WDR1: variants seen among roughly 807,000 people sequenced by gnomAD.
WDR1 encodes WD repeat-containing protein 1.
Under a neutral mutation model 71.9 loss-of-function variants are expected in WDR1, and 21 were observed. The observed-to-expected ratio is 0.29, with a 90% confidence interval of 0.21 to 0.42. WDR1 has a LOEUF of 0.42. Among genes scored for constraint, WDR1 ranks in the 10% least tolerant of loss-of-function variants. The probability of loss-of-function intolerance (pLI) is 1.00; values close to 1 mark genes in which losing one functional copy is unlikely to be tolerated. For missense variants in WDR1, 696 were observed against 824.5 expected, an observed-to-expected ratio of 0.84 and a Z score of 1.91; for synonymous variants, 424 against 347.4, an observed-to-expected ratio of 1.22 and a Z score of -2.45.
chr4:10,103,886 C>T lies in WDR1; in HGVS notation c.229+10G>A. ...CACAGGTGTCCACGAGCCTTGCCCC[C>T]ATACAGTACCTCCGGAGGCAATGTA... On this transcript the variant is annotated intron_variant, in intron 3 of 14. Coordinates refer to ENST00000499869, the MANE Select transcript of WDR1 (RefSeq NM_017491.5). 1 of 1,573,538 alleles carries T rather than the reference C, an allele frequency of 6.4e-7. No individual in the cohort carries two copies. The highest frequency in any genetic ancestry group is 2.4e-5 in the East Asian group (1 of 42,346).
chr4:10,082,403 C>A (rs962362037), intron 10 of WDR1, among the ~76,000 whole-genome samples: 1 of 152,178 alleles, frequency 6.6e-6, no homozygotes, highest in Non-Finnish European at 1.5e-5. Flanking sequence ...GGGGTCAGAC[C>A]TGGGCATGGG....
At position 10,087,944 on chromosome 4, in the gene WDR1, T is replaced by C. The variant is rs1711694300; in HGVS notation, c.718-4A>G. The stretch of plus-strand genomic sequence containing the variant: ...TGCTGTCGGGACTCCAACTAATCTA[T>C]TCAGAAAAAAGCAGTGTGTCATGTG... On this transcript the variant is annotated splice_region_variant and splice_polypyrimidine_tract_variant and intron_variant, in intron 7 of 14. Transcript: ENST00000499869. 1 of 1,548,728 alleles carries C rather than the reference T, an allele frequency of 6.5e-7. No homozygotes were observed. The highest frequency in any genetic ancestry group is 1.4e-5 in the African/African-American group (1 of 72,884).
chr4:10,103,277 CACACACACACAG>C (rs1336967822), intron 3 of WDR1, among the ~76,000 whole-genome samples: 1 of 104,664 alleles, frequency 9.6e-6, no homozygotes, highest in African/African-American at 4.1e-5. Flanking sequence ...TACACACACA[CACACACACACAG>C]ACACACACAC....
chr4:10,082,932 G>T, intron 10 of WDR1, 90 bp downstream of exon 10: 1 of 1,482,096 alleles, frequency 6.7e-7, no homozygotes, highest in South Asian at 1.3e-5. Flanking sequence ...CAAGTGAGGC[G>T]TCCTCCAGAA....
At chr4:10,075,566 CT>C in intron 14 of WDR1, 82 bp from the exon 15 acceptor site, 1 of 1,310,720 alleles carries the variant, frequency 7.6e-7, no homozygotes, top group East Asian at 2.5e-5. Flanking sequence ...ATGGAACAAC[CT>C]GTGCCTAAAT....
Position 10,087,720 on chromosome 4 carries a change from A to C in WDR1, c.938T>G (p.Leu313Arg). 6.3e-7 allele frequency: 1 copy of C among 1,595,082 alleles called. No homozygotes were observed. ...GGCAGGCCTTACCTTGATGACGTGC[A>C]GGGGCTTGCTGGGGTTGTTTCTGTC... is the stretch of plus-strand genomic sequence containing the variant. Reference protein sequence around the residue: ...YLDRNNPSKPLHVIKGHSKSI... With the variant: ...YLDRNNPSKPRHVIKGHSKSI... The change falls in exon 8 of 15, where the codon CTG becomes CGG. Residue 313 changes from leucine (L) to arginine (R), a missense_variant. Physicochemically the swap from Leu to Arg is moderately radical, Grantham distance 102. Coordinates refer to ENST00000499869, the MANE Select transcript of WDR1 (RefSeq NM_017491.5).
intron 5 of WDR1, among the ~76,000 whole-genome samples, 178 bp from the exon 6 acceptor site, chr4:10,088,919 GAGTCTGCTCC>G (rs1037336176): frequency 1.4e-4 from 21 of 152,242 alleles, no homozygotes; most frequent in African/African-American, 4.3e-4. Flanking sequence ...GGAGGGGCAG[GAGTCTGCTCC>G]AGCCTGCCTG....
At chr4:10,116,062 A>T in intron 2 of WDR1, 51 bp downstream of exon 2, 1 of 1,593,408 alleles carries the variant, frequency 6.3e-7, no homozygotes, top group Non-Finnish European at 8.6e-7. Flanking sequence ...GAATTATCCC[A>T]TCCCAAGGTG....
At chr4:10,091,251 C>G (rs1008909260) in intron 5 of WDR1, among the ~76,000 whole-genome samples, 1 of 152,220 alleles carries the variant, frequency 6.6e-6, no homozygotes, top group Non-Finnish European at 1.5e-5. Context: ...TCCTTTTGTA[C>G]CTTTTTCACT....
At chr4:10,082,721 G>T (rs1258553497) in intron 10 of WDR1, among the ~76,000 whole-genome samples, 1 of 152,228 alleles carries the variant, frequency 6.6e-6, no homozygotes, top group East Asian at 1.9e-4. Flanking sequence ...TGAGGAAAGG[G>T]ACACAGGGAG....
chr4:10,116,427 G>A (rs1244034753), intron 1 of WDR1, 193 bp from the exon 2 acceptor site: 17 of 909,488 alleles, frequency 1.9e-5, no homozygotes, highest in Non-Finnish European at 2.3e-5. Flanking sequence ...CTTGGGGGCA[G>A]CGGGGCTCCT....
rs754575017 is a variant in WDR1, at chr4:10,116,103, G to C, written c.138+10C>G. The C allele has an allele frequency of 1.2e-6, 2 of 1,611,654 alleles. No individual in the cohort carries two copies. Among genetic ancestry groups the C allele is most frequent in the East Asian group, 2.2e-5 (1 of 44,574 alleles). On this transcript the variant is annotated intron_variant, in intron 2 of 14. Transcript: ENST00000499869. ...GGAGCAGAACCGCGCCCGGGGTAGG[G>C]GGTACTCACGTCGATGTTCCTTAGG...
intron 10 of WDR1, among the ~76,000 whole-genome samples, chr4:10,082,252 C>T (rs576360985): frequency 2.6e-5 from 4 of 152,192 alleles, no homozygotes; most frequent in Non-Finnish European, 4.4e-5. Context: ...AAGGACGGCA[C>T]ACCTGCTAGG....
chr4:10,104,534 C>A (rs1354850119), intron 2 of WDR1, among the ~76,000 whole-genome samples: 1 of 152,232 alleles, frequency 6.6e-6, no homozygotes, highest in African/African-American at 2.4e-5. Context: ...ATTCCCCACT[C>A]CCTTGCATAG....
chr4:10,087,691 C>A lies in WDR1; in HGVS notation c.951+16G>T. 1 of 1,566,596 alleles carries A rather than the reference C, an allele frequency of 6.4e-7. No individual in the cohort carries two copies. The highest frequency in any genetic ancestry group is 8.7e-7 in the Non-Finnish European group (1 of 1,154,660). On this transcript the variant is annotated intron_variant, in intron 8 of 14. Transcript: ENST00000499869. The stretch of plus-strand genomic sequence containing the variant: ...GTCCACCCAGCGGGCAGAGCCTTCC[C>A]CAGGGCAGGCCTTACCTTGATGACG...
Position 10,077,336 on chromosome 4 carries a change from A to T in WDR1, c.1682T>A (p.Leu561Gln), listed in dbSNP as rs1578412895. Residue 561 changes from leucine (L) to glutamine (Q), a missense_variant, in exon 14 of 15, where the codon CTG (leucine) becomes CAG (glutamine). Leu to Gln is a moderately radical substitution (Grantham distance 113). Coordinates refer to ENST00000499869, the MANE Select transcript of WDR1 (RefSeq NM_017491.5). ...GMDMMVYVWT[L>Q]SDPETRVKIQ... ...CTTGACTCTGGTTTCCGGGTCACTC[A>T]GGGTCCAAACATACACCATCATGTC... 2.5e-6 allele frequency: 4 copies of T among 1,614,012 alleles called. No individual in the cohort carries two copies. Among genetic ancestry groups the T allele is most frequent in the East Asian group, 4.5e-5 (2 of 44,886 alleles).
At chr4:10,075,623 A>T in intron 14 of WDR1, 139 bp from the exon 15 acceptor site, 1 of 765,050 alleles carries the variant, frequency 1.3e-6, no homozygotes, top group East Asian at 2.7e-5. Context: ...GTAACTCAGG[A>T]GCCTGGCACG....
chr4:10,106,913 T>C (rs531378044), intron 2 of WDR1, among the ~76,000 whole-genome samples: 1 of 152,280 alleles, frequency 6.6e-6, no homozygotes, highest in South Asian at 2.1e-4. Context: ...TGTGAGGCTC[T>C]GTCCCCATCA....
intron 3 of WDR1, 45 bp from the exon 4 acceptor site, chr4:10,099,184 G>GGGGGGGT: frequency 6.7e-6 from 3 of 450,124 alleles, no homozygotes; most frequent in Non-Finnish European, 1.2e-5. Flanking sequence ...CGGTGGTGGG[G>GGGGGGGT]TAAAGGGCAG....
Sources: allele counts gnomAD v4.1 joint callset (sites outside exome capture counted in the v4.1 genomes callset), GRCh38; gene constraint gnomAD v4.1.1; transcripts MANE v1.5; gene names NCBI Gene and HGNC (gene_info 2026-07-23, HGNC 2026-07-21).